SLC66A2: variants seen among roughly 807,000 people sequenced by gnomAD.
SLC66A2 encodes the protein PQ loop repeat containing 1.
In SLC66A2, 23 loss-of-function variants were observed where a neutral mutation model predicts 25.5. The observed-to-expected ratio is 0.90, with a 90% CI of 0.65 to 1.28. The LOEUF (loss-of-function observed/expected upper bound fraction) is 1.28, where lower values mean the gene tolerates loss of function less well. SLC66A2 is among the 50% of genes most tolerant of loss of function. The pLI, the probability that SLC66A2 is intolerant of heterozygous loss-of-function variation, is 0.00. For synonymous variants in SLC66A2, 193 were observed against 166.5 expected (o/e 1.16, Z -1.23); for missense variants, 396 against 373.1 (o/e 1.06, Z -0.51).
rs529492656 is a variant in SLC66A2, at chr18:79,943,401, G to A, written c.265C>T (p.Leu89=). 620 of 1,614,094 alleles carry A rather than the reference G, an allele frequency of 3.8e-4. No homozygotes were observed. The highest frequency in any genetic ancestry group is 5.1e-4 in the Non-Finnish European group (605 of 1,180,028). ...TCGGTGCACAGCTTCAGCATCAGCA[G>A]CATGGTCAGGATCATGATGGCGCTC... ...WQSAIMILTM[L]LMLKLCTEVR... The change falls in exon 3 of 6, where the codon CTG becomes TTG. Residue 89 remains leucine (L), a synonymous_variant. Transcript: ENST00000397778.
rs995921581 is a variant in SLC66A2 at position 79,940,580 on chromosome 18, T to G, written c.337+2749A>C. ...GGAAGACAAGGCTGGCCACCTTGCT[T>G]GGCATGGGGCTGTGCTGCAGGAGCT... On this transcript the variant is annotated intron_variant, in intron 3 of 5. Coordinates refer to ENST00000397778, the MANE Select transcript of SLC66A2 (RefSeq NM_025078.5). This position sits in a 1 kb window ranked among gnomAD's most constrained non-coding sequence, Gnocchi z 4.1. Among the ~76,000 whole-genome samples, 7 of 151,922 alleles carry G rather than the reference T, an allele frequency of 4.6e-5. No individual in the cohort carries two copies. Among genetic ancestry groups the G allele is most frequent in the African/African-American group, 1.7e-4 (7 of 41,352 alleles).
chr18:79,926,456 C>A (rs1232035286), intron 4 of SLC66A2, among the ~76,000 whole-genome samples: 1 of 152,034 alleles, frequency 6.6e-6, no homozygotes, highest in Non-Finnish European at 1.5e-5. Context: ...CGGAGAACTG[C>A]CATGCAACAA....
chr18:79,926,770 C>T (rs1986005405), intron 4 of SLC66A2, among the ~76,000 whole-genome samples: 2 of 152,050 alleles, frequency 1.3e-5, no homozygotes, highest in African/African-American at 2.4e-5. Context: ...TTCTTTGCTA[C>T]TTAAGGGGTA....
At chr18:79,922,213 GGGA>G (rs1340648955) in intron 4 of SLC66A2, among the ~76,000 whole-genome samples, 5 of 151,652 alleles carry the variant, frequency 3.3e-5, no homozygotes, top group African/African-American at 1.2e-4. Context: ...GGGCCAAGGA[GGGA>G]GGATCGCTTG....
intron 3 of SLC66A2, 104 bp from the exon 4 acceptor site, chr18:79,934,126 T>A: frequency 1.4e-6 from 1 of 709,932 alleles, no homozygotes; most frequent in Non-Finnish European, 2.1e-6. Flanking sequence ...TTTGCATTTC[T>A]TTAAAAAAAA....
At chr18:79,908,511 A>G (rs1377918854) in intron 5 of SLC66A2, among the ~76,000 whole-genome samples, 2 of 151,944 alleles carry the variant, frequency 1.3e-5, no homozygotes, top group Admixed American at 6.6e-5. Context: ...TTGTGATGTG[A>G]TATGTTTGGG....
intron 3 of SLC66A2, among the ~76,000 whole-genome samples, chr18:79,936,109 G>C (rs754023544): frequency 6.6e-6 from 1 of 152,212 alleles, no homozygotes; most frequent in Non-Finnish European, 1.5e-5. Flanking sequence ...TCCATGTCAC[G>C]ACTGGAGACC....
chr18:79,933,854 T>C (rs1026014350), intron 4 of SLC66A2, 115 bp downstream of exon 4: 13 of 889,782 alleles, frequency 1.5e-5, no homozygotes, highest in Non-Finnish European at 2.3e-5. Flanking sequence ...TCGGCCACGC[T>C]TGGTAAAGAT....
At chr18:79,923,106 G>A (rs377129500) in intron 4 of SLC66A2, among the ~76,000 whole-genome samples, 3 of 151,540 alleles carry the variant, frequency 2.0e-5, no homozygotes, top group Non-Finnish European at 2.9e-5. Context: ...CATGGTACGC[G>A]GCACCTCCCA....
intron 4 of SLC66A2, among the ~76,000 whole-genome samples, chr18:79,922,076 A>AG (rs111765041): frequency 0.026 from 3,910 of 151,582 alleles, 182 homozygotes; most frequent in African/African-American, 0.089. Flanking sequence ...GAGGGGTCAA[A>AG]TCAGGGAGGA....
intron 3 of SLC66A2, among the ~76,000 whole-genome samples, chr18:79,942,292 A>G (rs1383928739): frequency 3.9e-5 from 6 of 152,330 alleles, no homozygotes; most frequent in South Asian, 2.1e-4. Context: ...ACCGCAGAAA[A>G]GACGCTGGAG....
intron 5 of SLC66A2, among the ~76,000 whole-genome samples, chr18:79,911,556 C>T (rs1016683016): frequency 6.6e-6 from 1 of 152,260 alleles, no homozygotes; most frequent in Admixed American, 6.5e-5. Flanking sequence ...CACAGGTGCG[C>T]TCTGCAGCAT....
At chr18:79,933,809 C>A (rs1986805528) in intron 4 of SLC66A2, among the ~76,000 whole-genome samples, 160 bp downstream of exon 4, 1 of 151,352 alleles carries the variant, frequency 6.6e-6, no homozygotes, top group South Asian at 2.1e-4. Flanking sequence ...TGCTTGAAAA[C>A]AGCAGAGCTA....
At chr18:79,924,757 A>G (rs1167074821) in intron 4 of SLC66A2, 1 of 152,250 alleles carries the variant, frequency 6.6e-6, no homozygotes, top group Non-Finnish European at 1.5e-5. Context: ...GTAAATACTT[A>G]TCCAGCATTT....
At chr18:79,944,450 T>C (rs1286806934) in intron 2 of SLC66A2, 2 of 152,162 alleles carry the variant, frequency 1.3e-5, no homozygotes, top group Non-Finnish European at 2.9e-5. Flanking sequence ...TTGACCAGGG[T>C]TGAGCATCTC....
Position 79,903,649 on chromosome 18 carries a change from C to T in SLC66A2, c.*327G>A, listed in dbSNP as rs1035556869. 2.8e-6 allele frequency: 1 copy of T among 357,482 alleles called. No homozygotes were observed. The highest frequency in any genetic ancestry group is 5.1e-6 in the Non-Finnish European group (1 of 197,264). The allele number at this position is 357,482 out of a possible 1,614,324, so 22.1% of individuals were successfully genotyped here. On this transcript the variant is annotated 3_prime_UTR_variant, in exon 6 of 6. Coordinates refer to ENST00000397778, the MANE Select transcript of SLC66A2 (RefSeq NM_025078.5). Reference sequence around the variant, plus strand: ...CCGTGTGTCCACCTGGAGCAGGTTCCTGCAGGCCGCCCAATGTGTACCTTG... The same window carrying T: ...CCGTGTGTCCACCTGGAGCAGGTTCTTGCAGGCCGCCCAATGTGTACCTTG...
chr18:79,918,296 A>G lies in SLC66A2; in HGVS notation c.608+888T>C, dbSNP rs545395991. ...CACAAATAACAAATCCAAGAATAAC[A>G]TTCCCTCCAAATCACAGCCTCAGCA... On this transcript the variant is annotated intron_variant, in intron 5 of 5. Transcript: ENST00000397778. This position sits in a 1 kb window ranked among gnomAD's most constrained non-coding sequence, Gnocchi z 4.0. Among the ~76,000 whole-genome samples the G allele has an allele frequency of 6.6e-6, 1 of 152,254 alleles. No individual in the cohort carries two copies. Among genetic ancestry groups the G allele is most frequent in the African/African-American group, 2.4e-5 (1 of 41,572 alleles).
Position 79,937,617 on chromosome 18 carries a change from G to A in SLC66A2, c.338-3595C>T, listed in dbSNP as rs1987230578. On this transcript the variant is annotated intron_variant, in intron 3 of 5. Coordinates refer to ENST00000397778, the MANE Select transcript of SLC66A2 (RefSeq NM_025078.5). This position sits in a 1 kb window ranked among gnomAD's most constrained non-coding sequence, Gnocchi z 5.4. ...ATCCTGCAGCCCCTGATGAGCTGAC[G>A]GCCTCAGCATGAGCCCCACAGTGGC... is the stretch of plus-strand genomic sequence containing the variant. Among the ~76,000 whole-genome samples, 1 of 152,136 alleles carries A rather than the reference G, an allele frequency of 6.6e-6. No individual in the cohort carries two copies. The highest frequency in any genetic ancestry group is 2.4e-5 in the African/African-American group (1 of 41,422).
Position 79,943,350 on chromosome 18 carries a change from C to T in SLC66A2, c.316G>A (p.Ala106Thr), listed in dbSNP as rs750494826. 7 of 1,614,172 alleles carry T rather than the reference C, an allele frequency of 4.3e-6. No homozygotes were observed. Among genetic ancestry groups the T allele is most frequent in the South Asian group, 1.1e-5 (1 of 91,076 alleles). The change falls in exon 3 of 6, where the codon GCC becomes ACC. Residue 106 changes from alanine (A) to threonine (T), a missense_variant. Coordinates refer to ENST00000397778, the MANE Select transcript of SLC66A2 (RefSeq NM_025078.5). ...TEVRVANELN[A>T]RRRSFTAADS... The stretch of plus-strand genomic sequence containing the variant: ...CAACCTGTAAAGGAGCGGCGCCTGG[C>T]GTTGAGCTCGTTGGCCACACGGACC...
Sources: allele counts gnomAD v4.1 joint callset (sites outside exome capture counted in the v4.1 genomes callset), GRCh38; gene constraint gnomAD v4.1.1; non-coding constraint Gnocchi (gnomAD v3.1); transcripts MANE v1.5; gene names NCBI Gene and HGNC (gene_info 2026-07-23, HGNC 2026-07-21).